SND1: variants seen among roughly 807,000 people sequenced by gnomAD.
SND1 encodes the protein staphylococcal nuclease domain-containing protein 1.
A neutral mutation model predicts 121.7 loss-of-function variants in SND1; 38 were observed. The observed-to-expected ratio is 0.31, with a 90% confidence interval of 0.24 to 0.41. SND1 has a LOEUF of 0.41. Ranked by LOEUF, SND1 falls within the 10% of genes least tolerant of loss-of-function variation. The pLI, the probability that SND1 is intolerant of heterozygous loss-of-function variation, is 1.00. For missense variants in SND1, 868 were observed against 1,184.6 expected (o/e 0.73, Z 3.92); for synonymous variants, 401 against 447.4 (o/e 0.90, Z 1.31).
chr7:128,076,292 C>T (rs1240316906), intron 17 of SND1, among the ~76,000 whole-genome samples: 3 of 152,230 alleles, frequency 2.0e-5, no homozygotes, highest in Non-Finnish European at 2.9e-5. Flanking sequence ...CCCAAGTCAC[C>T]ATTTTGCTGG....
At chr7:128,023,166 G>C (rs1186322156) in intron 16 of SND1, among the ~76,000 whole-genome samples, 1 of 152,096 alleles carries the variant, frequency 6.6e-6, no homozygotes. Flanking sequence ...CTGCCATAGA[G>C]CTCCATTCTT....
At chr7:127,781,708 A>G (rs537263073) in intron 10 of SND1, among the ~76,000 whole-genome samples, 1 of 152,336 alleles carries the variant, frequency 6.6e-6, no homozygotes, top group South Asian at 2.1e-4. Context: ...AATTAGCCAG[A>G]TGCTTATATA....
At chr7:127,779,054 T>C (rs1797671486) in intron 10 of SND1, among the ~76,000 whole-genome samples, 1 of 152,250 alleles carries the variant, frequency 6.6e-6, no homozygotes. Flanking sequence ...TTAGTCCATA[T>C]GTAATAAGGC....
intron 12 of SND1, among the ~76,000 whole-genome samples, chr7:127,884,163 T>C (rs902131873): frequency 1.3e-5 from 2 of 152,152 alleles, no homozygotes; most frequent in Admixed American, 6.5e-5. Context: ...TGGACATGTC[T>C]CCTATTTTTT....
chr7:127,680,999 CG>C (rs1195984695), intron 1 of SND1, among the ~76,000 whole-genome samples: 1 of 152,128 alleles, frequency 6.6e-6, no homozygotes, highest in Non-Finnish European at 1.5e-5. Context: ...TCCCTCCGTT[CG>C]GGGTGCCTGA....
chr7:127,722,364 G>A (rs1454410823), intron 10 of SND1, among the ~76,000 whole-genome samples: 1 of 150,164 alleles, frequency 6.7e-6, no homozygotes, highest in East Asian at 2.0e-4. Flanking sequence ...CTGGAGTGCA[G>A]TGGCTATTCA....
intron 9 of SND1, among the ~76,000 whole-genome samples, chr7:127,710,019 A>C (rs1796271098): frequency 6.6e-6 from 1 of 151,584 alleles, no homozygotes; most frequent in Admixed American, 6.6e-5. Context: ...AGTTGATCAT[A>C]GTGTCTGTCT....
intron 16 of SND1, among the ~76,000 whole-genome samples, chr7:128,041,917 CTACTT>C (rs925760999): frequency 6.6e-6 from 1 of 152,194 alleles, no homozygotes; most frequent in African/African-American, 2.4e-5. Context: ...TCATCTTGGT[CTACTT>C]TAAACTGTTT....
At chr7:127,997,964 G>A in intron 16 of SND1, 1 of 534,830 alleles carries the variant, frequency 1.9e-6, no homozygotes, top group Non-Finnish European at 3.8e-6. Flanking sequence ...CCCTGTGCAT[G>A]TATCTGTTGT....
At position 127,686,604 on chromosome 7, in the gene SND1, C is replaced by G. The variant is rs747436352; in HGVS notation, c.79-9C>G. 3 of 1,612,286 alleles carry G rather than the reference C, an allele frequency of 1.9e-6. No homozygotes were observed. Among genetic ancestry groups the G allele is most frequent in the Non-Finnish European group, 1.7e-6 (2 of 1,178,730 alleles). ...GACCATTCATTTTCTCTTTCTTCCC[C>G]CTACGTAGGTCCTCTCAGGGTGCGC... On this transcript the variant is annotated splice_polypyrimidine_tract_variant and intron_variant, in intron 1 of 23. Coordinates refer to ENST00000354725, the MANE Select transcript of SND1 (RefSeq NM_014390.4).
chr7:127,854,095 A>G (rs537080713), intron 12 of SND1, among the ~76,000 whole-genome samples: 2 of 152,106 alleles, frequency 1.3e-5, no homozygotes, highest in Admixed American at 1.3e-4. Flanking sequence ...CTTGTTTTCT[A>G]GCATCATTAG....
At chr7:128,046,806 A>C (rs1792957465) in intron 16 of SND1, among the ~76,000 whole-genome samples, 1 of 152,208 alleles carries the variant, frequency 6.6e-6, no homozygotes, top group African/African-American at 2.4e-5. Context: ...TTTCCTTTGA[A>C]TATGAATTAA....
chr7:127,746,519 C>T (rs1796985617), intron 10 of SND1, among the ~76,000 whole-genome samples: 1 of 152,100 alleles, frequency 6.6e-6, no homozygotes. Flanking sequence ...TTAGTAATGT[C>T]ACAGACTCAT....
chr7:127,774,063 A>G (rs1797569399), intron 10 of SND1, among the ~76,000 whole-genome samples: 2 of 152,226 alleles, frequency 1.3e-5, no homozygotes, highest in South Asian at 4.1e-4. Context: ...GTTTTAGAGT[A>G]TACTCTTTCT....
chr7:127,915,117 A>C (rs986922765), intron 14 of SND1, among the ~76,000 whole-genome samples: 2 of 152,138 alleles, frequency 1.3e-5, no homozygotes, highest in African/African-American at 4.8e-5. Flanking sequence ...TCCCAGGCTC[A>C]GGTGATCCTC....
intron 10 of SND1, among the ~76,000 whole-genome samples, chr7:127,775,381 CT>C (rs926823410): frequency 3.2e-4 from 43 of 135,734 alleles, no homozygotes; most frequent in African/African-American, 1.1e-3. Flanking sequence ...TTAAGAATGA[CT>C]TTCCCTTTTA....
intron 11 of SND1, 39 bp downstream of exon 11, chr7:127,807,612 G>A: frequency 6.6e-7 from 1 of 1,511,802 alleles, no homozygotes; most frequent in African/African-American, 1.4e-5. Flanking sequence ...GCAAGTGGTT[G>A]GGCTTAAGCT....
intron 10 of SND1, among the ~76,000 whole-genome samples, chr7:127,759,784 A>G (rs1392420768): frequency 1.3e-5 from 2 of 152,192 alleles, no homozygotes; most frequent in Admixed American, 1.3e-4. Context: ...CCAACACCAC[A>G]GGGTTCAGCT....
chr7:127,763,273 A>G (rs1265234959), intron 10 of SND1, among the ~76,000 whole-genome samples: 1 of 152,238 alleles, frequency 6.6e-6, no homozygotes, highest in Non-Finnish European at 1.5e-5. Flanking sequence ...CAGAAATTCG[A>G]GACCAGTCTG....
Sources: gnomAD v4.1 joint callset for allele counts (sites outside exome capture counted in the v4.1 genomes callset) on GRCh38, gnomAD v4.1.1 for gene constraint, MANE v1.5 for transcripts, NCBI Gene and HGNC (gene_info 2026-07-23, HGNC 2026-07-21) for gene names.